NAV2: variants seen among roughly 807,000 people sequenced by gnomAD.
NAV2 encodes helicase, APC down-regulated 1.
Under a neutral mutation model 223.2 loss-of-function variants are expected in NAV2, and 54 were observed. That is an observed-to-expected ratio of 0.24 (90% confidence interval 0.19 to 0.30). The LOEUF is 0.30. Among genes scored for constraint, NAV2 ranks in the 10% least tolerant of loss-of-function variants. NAV2 has a pLI of 1.00. For missense variants in NAV2, 2,806 were observed against 3,147.5 expected, an observed-to-expected ratio of 0.89 and a Z score of 2.60; for synonymous variants, 1,279 against 1,239.3, an observed-to-expected ratio of 1.03 and a Z score of -0.67.
chr11:19,664,887 G>A (rs555142202), intron 1 of NAV2, among the ~76,000 whole-genome samples: 5 of 152,314 alleles, frequency 3.3e-5, no homozygotes, highest in African/African-American at 7.2e-5. Flanking sequence ...CCATCCTCAG[G>A]GCAGGGTGTG....
chr11:19,923,079 C>A (rs1319996669), intron 6 of NAV2, among the ~76,000 whole-genome samples: 2 of 152,158 alleles, frequency 1.3e-5, no homozygotes, highest in Non-Finnish European at 2.9e-5. Flanking sequence ...ATGAAAGAAT[C>A]CCACATTTTA....
intron 1 of NAV2, among the ~76,000 whole-genome samples, chr11:19,725,594 C>T (rs1288781035): frequency 6.6e-6 from 1 of 152,244 alleles, no homozygotes; most frequent in Non-Finnish European, 1.5e-5. Context: ...GACTCCATGG[C>T]TTTCCTCTTT....
chr11:19,894,873 G>A (rs751073524), intron 6 of NAV2, among the ~76,000 whole-genome samples: 43 of 152,090 alleles, frequency 2.8e-4, no homozygotes, highest in Non-Finnish European at 4.9e-4. Context: ...TGGGATTACA[G>A]GCATGTGCCA....
At chr11:19,502,221 G>A (rs1232696304) in intron 1 of NAV2, among the ~76,000 whole-genome samples, 1 of 152,140 alleles carries the variant, frequency 6.6e-6, no homozygotes, top group Non-Finnish European at 1.5e-5. Flanking sequence ...TCAAATCCCT[G>A]CTCTGCTCCC....
chr11:19,902,739 A>G lies in NAV2; in HGVS notation c.931+10145A>G, dbSNP rs542082533. The stretch of plus-strand genomic sequence containing the variant: ...GGGTGCTCTCATAATAGTCATTTTT[A>G]TCAAGCTCTCATCTGTAGTCAGGAC... On this transcript the variant is annotated intron_variant, in intron 6 of 37. Coordinates refer to ENST00000349880, the MANE Select transcript of NAV2 (RefSeq NM_145117.5). Among the ~76,000 whole-genome samples, 15 of 152,322 alleles carry G rather than the reference A, an allele frequency of 9.8e-5. No homozygotes were observed. The South Asian group carries it at 3.1e-3, about 32-fold the overall frequency.
chr11:19,445,096 A>G (rs946995666), intron 1 of NAV2, among the ~76,000 whole-genome samples: 4 of 152,172 alleles, frequency 2.6e-5, no homozygotes, highest in Non-Finnish European at 5.9e-5. Flanking sequence ...GGTGAATGGG[A>G]GGTGGACTGT....
At chr11:19,853,293 C>T (rs75202221) in intron 3 of NAV2, among the ~76,000 whole-genome samples, 4 of 152,304 alleles carry the variant, frequency 2.6e-5, no homozygotes, top group Middle Eastern at 6.8e-3. Flanking sequence ...TGGGATATGA[C>T]TGAGCAAACA....
intron 1 of NAV2, among the ~76,000 whole-genome samples, chr11:19,767,198 C>T (rs937626980): frequency 6.6e-6 from 1 of 152,188 alleles, no homozygotes; most frequent in South Asian, 2.1e-4. Context: ...GTAGCCTGTA[C>T]ATATCCACAT....
intron 1 of NAV2, among the ~76,000 whole-genome samples, chr11:19,825,966 T>A (rs1003789438): frequency 2.6e-5 from 4 of 152,186 alleles, no homozygotes; most frequent in African/African-American, 7.2e-5. Flanking sequence ...TGACAGCAGC[T>A]TCTCTCCCTC....
chr11:20,002,376 C>T (rs2052631137), intron 11 of NAV2, among the ~76,000 whole-genome samples: 1 of 152,076 alleles, frequency 6.6e-6, no homozygotes, highest in Non-Finnish European at 1.5e-5. Context: ...ATCCCAAAGC[C>T]CTCTCTCTAT....
At chr11:19,990,600 A>G (rs1467653457) in intron 11 of NAV2, among the ~76,000 whole-genome samples, 1 of 152,014 alleles carries the variant, frequency 6.6e-6, no homozygotes, top group Non-Finnish European at 1.5e-5. Flanking sequence ...CAAGTAAAGC[A>G]AAGGTGATCT....
At chr11:19,778,794 A>C (rs1188323207) in intron 1 of NAV2, among the ~76,000 whole-genome samples, 2 of 152,150 alleles carry the variant, frequency 1.3e-5, no homozygotes, top group Non-Finnish European at 2.9e-5. Flanking sequence ...CTTTCCTGGA[A>C]TCTTTCTCCA....
At chr11:20,113,943 T>C (rs985386118) in intron 36 of NAV2, among the ~76,000 whole-genome samples, 1 of 152,110 alleles carries the variant, frequency 6.6e-6, no homozygotes, top group African/African-American at 2.4e-5. Context: ...GCCCGGGAGA[T>C]TGAGGCCACA....
At chr11:19,854,174 G>C (rs977991685) in intron 3 of NAV2, among the ~76,000 whole-genome samples, 1 of 152,174 alleles carries the variant, frequency 6.6e-6, no homozygotes, top group African/African-American at 2.4e-5. Flanking sequence ...TCTTCATGGA[G>C]TTCTTATGTT....
intron 30 of NAV2, 58 bp from the exon 31 acceptor site, chr11:20,097,519 G>T: frequency 1.5e-6 from 2 of 1,372,950 alleles, no homozygotes; most frequent in South Asian, 2.9e-5. Context: ...GAAAACATGA[G>T]TCATGGGCAG....
At chr11:19,712,835 C>T (rs1417681388), upstream of NAV2, among the ~76,000 whole-genome samples, 1 of 151,400 alleles carries the variant, frequency 6.6e-6, no homozygotes, top group Admixed American at 6.6e-5. Flanking sequence ...CGGCAGCAGC[C>T]TGTCCTCCCC....
chr11:19,933,357 A>G lies in NAV2; in HGVS notation c.1113A>G (p.Val371=), dbSNP rs572554239. The change falls in exon 7 of 38, where the codon GTA becomes GTG. Residue 371 remains valine, a synonymous_variant. Coordinates refer to ENST00000349880, the MANE Select transcript of NAV2 (RefSeq NM_145117.5). This position sits in a 1 kb window ranked among gnomAD's most constrained non-coding sequence, Gnocchi z 4.3. ...TCAGCGTGAAGCACAGTGCCACGGT[A>G]TCCATGCTCTCGGTCAAGCCTCCTG... is the stretch of plus-strand genomic sequence containing the variant. ...KSLSVKHSAT[V]SMLSVKPPGP... The G allele has an allele frequency of 5.9e-5, 94 of 1,602,088 alleles. No individual in the cohort carries two copies. In the South Asian group the frequency reaches 9.3e-4, roughly 16 times the overall value.
At chr11:19,354,626 G>A (rs768586342) in intron 1 of NAV2, among the ~76,000 whole-genome samples, 5 of 152,238 alleles carry the variant, frequency 3.3e-5, no homozygotes, top group Non-Finnish European at 7.3e-5. Context: ...TCAGTAAAGT[G>A]TGTGCTTTTA....
chr11:19,423,070 T>A (rs532471228), intron 1 of NAV2, among the ~76,000 whole-genome samples: 1 of 152,236 alleles, frequency 6.6e-6, no homozygotes, highest in East Asian at 1.9e-4. Context: ...TTATAATATA[T>A]GCAGGATATT....
Sources: allele counts gnomAD v4.1 joint callset (sites outside exome capture counted in the v4.1 genomes callset), GRCh38; gene constraint gnomAD v4.1.1; non-coding constraint Gnocchi (gnomAD v3.1); transcripts MANE v1.5; gene names NCBI Gene and HGNC (gene_info 2026-07-23, HGNC 2026-07-21).